HS3ST3B1: variants seen among roughly 807,000 people sequenced by gnomAD.
HS3ST3B1 encodes heparan sulfate glucosamine 3-O-sulfotransferase 3B1.
Under a neutral mutation model 21.3 loss-of-function variants are expected in HS3ST3B1, and 13 were observed. That is an observed-to-expected ratio of 0.61 (90% confidence interval 0.40 to 0.97). The LOEUF is 0.97. Among genes scored for constraint, HS3ST3B1 ranks in the 50% least tolerant of loss-of-function variants. HS3ST3B1 has a pLI of 0.00. For synonymous variants in HS3ST3B1, 234 were observed against 254.8 expected (o/e 0.92, Z 0.78); for missense variants, 459 against 554.8 (o/e 0.83, Z 1.73).
chr17:14,314,753 T>C (rs1406289542), intron 1 of HS3ST3B1, among the ~76,000 whole-genome samples: 1 of 152,208 alleles, frequency 6.6e-6, no homozygotes, highest in Non-Finnish European at 1.5e-5. Flanking sequence ...TCCGACATTC[T>C]GCCCTCCCTG....
chr17:14,302,838 G>C (rs1049160942), intron 1 of HS3ST3B1, among the ~76,000 whole-genome samples: 2 of 152,242 alleles, frequency 1.3e-5, no homozygotes, highest in African/African-American at 4.8e-5. Context: ...CCCTGCCCTC[G>C]GTGCTGGGAT....
At position 14,345,496 on chromosome 17, in the gene HS3ST3B1, G is replaced by A. The variant is rs924797680; in HGVS notation, c.1023G>A (p.Glu341=). The A allele has an allele frequency of 6.3e-7, 1 of 1,581,806 alleles. No individual in the cohort carries two copies. The highest frequency in any genetic ancestry group is 8.7e-7 in the Non-Finnish European group (1 of 1,154,762). ...TKGFPCLKKA[E]GSSRPHCLGK... ...GCTTCCCCTGCCTGAAGAAGGCGGA[G>A]GGCAGCAGCCGGCCCCATTGCCTGG... Residue 341 remains glutamate (E), a synonymous_variant, in exon 2 of 2, where the codon GAG becomes GAA. Transcript: ENST00000360954.
intron 1 of HS3ST3B1, among the ~76,000 whole-genome samples, chr17:14,340,619 G>T (rs1441779469): frequency 6.6e-6 from 1 of 152,090 alleles, no homozygotes; most frequent in East Asian, 1.9e-4. Flanking sequence ...GTCTCACTCT[G>T]TTGCCCAGGA....
chr17:14,301,917 G>A lies in HS3ST3B1; in HGVS notation c.399G>A (p.Gly133=). 3 of 1,609,626 alleles carry A rather than the reference G, an allele frequency of 1.9e-6. No homozygotes were observed. The African/African-American group carries it at 4.0e-5, about 21-fold the overall frequency. ...SPISSFFSGS[G]SKQLPQAIII... ...TCTCCAGCTTTTTCAGTGGGTCTGGGAGCAAGCAGCTGCCGCAGGCCATCA... is the reference window on the plus strand; with the variant it reads ...TCTCCAGCTTTTTCAGTGGGTCTGGAAGCAAGCAGCTGCCGCAGGCCATCA... Residue 133 remains glycine, a synonymous_variant, in exon 1 of 2, where the codon GGG becomes GGA. Coordinates refer to ENST00000360954, the MANE Select transcript of HS3ST3B1 (RefSeq NM_006041.3).
chr17:14,326,217 G>A (rs1323380310), intron 1 of HS3ST3B1, among the ~76,000 whole-genome samples: 2 of 152,214 alleles, frequency 1.3e-5, no homozygotes, highest in African/African-American at 4.8e-5. Context: ...AGAAACCACA[G>A]GTGCTTCCTG....
At chr17:14,308,412 T>C (rs2142324960) in intron 1 of HS3ST3B1, among the ~76,000 whole-genome samples, 1 of 152,358 alleles carries the variant, frequency 6.6e-6, no homozygotes, top group Middle Eastern at 3.4e-3. Context: ...CACATTTCGG[T>C]AACTTGAAAA....
intron 1 of HS3ST3B1, among the ~76,000 whole-genome samples, chr17:14,310,423 A>G (rs892941303): frequency 1.3e-5 from 2 of 152,204 alleles, no homozygotes; most frequent in Non-Finnish European, 2.9e-5. Context: ...CTTTGCGGAT[A>G]GGTTTCCTCC....
chr17:14,345,814 T>C lies in HS3ST3B1; in HGVS notation c.*168T>C. On this transcript the variant is annotated 3_prime_UTR_variant, in exon 2 of 2. Transcript: ENST00000360954. ...TTTAGAGAGTTAGCTTCATAATCTG[T>C]TAACATTCCAAAGTGTTTAACTCTA... The C allele has an allele frequency of 1.1e-6, 1 of 874,782 alleles. No individual in the cohort carries two copies. The highest frequency in any genetic ancestry group is 2.4e-5 in the South Asian group (1 of 42,104). 54.2% of individuals were successfully genotyped at this position (874,782 alleles called of 1,614,324 possible). A position where few individuals can be genotyped will look rare whatever the true frequency, so the allele number is the denominator to read the frequency against.
intron 1 of HS3ST3B1, among the ~76,000 whole-genome samples, chr17:14,342,475 G>A (rs1256212506): frequency 2.6e-5 from 4 of 152,014 alleles, no homozygotes; most frequent in Admixed American, 6.6e-5. Context: ...ACAAACTAGC[G>A]CTTATACACA....
chr17:14,330,599 G>T (rs1426710139), intron 1 of HS3ST3B1, among the ~76,000 whole-genome samples: 1 of 144,486 alleles, frequency 6.9e-6, no homozygotes, highest in Non-Finnish European at 1.5e-5. Flanking sequence ...TGCGGGTGGA[G>T]GTTTAGTGAT....
chr17:14,335,125 G>A (rs1331928108), intron 1 of HS3ST3B1, among the ~76,000 whole-genome samples: 3 of 152,226 alleles, frequency 2.0e-5, no homozygotes, highest in Admixed American at 6.5e-5. Flanking sequence ...TATCAGAATG[G>A]GCTGACCTTC....
intron 1 of HS3ST3B1, among the ~76,000 whole-genome samples, chr17:14,314,409 T>C (rs1462845355): frequency 1.3e-5 from 2 of 152,202 alleles, no homozygotes; most frequent in East Asian, 3.8e-4. Context: ...GATCAAGAAG[T>C]GGCAGTTCAA....
intron 1 of HS3ST3B1, among the ~76,000 whole-genome samples, chr17:14,302,480 G>A (rs947435948): frequency 6.6e-6 from 1 of 152,144 alleles, no homozygotes; most frequent in South Asian, 2.1e-4. Context: ...CCCTTTGGTC[G>A]GTCTCCGCCC....
intron 1 of HS3ST3B1, among the ~76,000 whole-genome samples, chr17:14,318,483 G>T (rs533291710): frequency 1.3e-5 from 2 of 152,326 alleles, no homozygotes; most frequent in East Asian, 1.9e-4. Flanking sequence ...CTCCCAGTGT[G>T]ATTTAGTCCT....
At chr17:14,328,176 A>AT (rs1343246799) in intron 1 of HS3ST3B1, 1 of 152,222 alleles carries the variant, frequency 6.6e-6, no homozygotes, top group African/African-American at 2.4e-5. Flanking sequence ...TTCTCATAGA[A>AT]TGTAACAAAT....
chr17:14,324,106 T>C (rs1281269520), intron 1 of HS3ST3B1, among the ~76,000 whole-genome samples: 1 of 148,068 alleles, frequency 6.8e-6, no homozygotes, highest in African/African-American at 2.5e-5. Context: ...CCAGGAGCCC[T>C]TTTCTCGCTT....
Position 14,301,915 on chromosome 17 carries a change from G to A in HS3ST3B1, c.397G>A (p.Gly133Arg), listed in dbSNP as rs1380504402. 1 of 1,609,672 alleles carries A rather than the reference G, an allele frequency of 6.2e-7. No individual in the cohort carries two copies. Among genetic ancestry groups the A allele is most frequent in the South Asian group, 1.1e-5 (1 of 90,144 alleles). The change falls in exon 1 of 2, where the codon GGG becomes AGG. Residue 133 changes from glycine to arginine, a missense_variant. This residue lies in a region of HS3ST3B1 where 317 missense variants were observed against 278.6 expected (regional missense o/e 1.14). Coordinates refer to ENST00000360954, the MANE Select transcript of HS3ST3B1 (RefSeq NM_006041.3). ...SPISSFFSGS[G>R]SKQLPQAIII... ...CATCTCCAGCTTTTTCAGTGGGTCT[G>A]GGAGCAAGCAGCTGCCGCAGGCCAT...
chr17:14,322,710 C>T (rs1181169061), intron 1 of HS3ST3B1, among the ~76,000 whole-genome samples: 1 of 151,898 alleles, frequency 6.6e-6, no homozygotes, highest in Non-Finnish European at 1.5e-5. Context: ...TGGAAGAGTC[C>T]ATGTCCTCTC....
At chr17:14,311,278 A>G (rs1016017278) in intron 1 of HS3ST3B1, among the ~76,000 whole-genome samples, 5 of 149,998 alleles carry the variant, frequency 3.3e-5, no homozygotes, top group Non-Finnish European at 5.9e-5. Context: ...AGATCTCACT[A>G]TGTTAACCCA....
Sources: gnomAD v4.1 joint callset for allele counts (sites outside exome capture counted in the v4.1 genomes callset) on GRCh38, gnomAD v4.1.1 for gene constraint, gnomAD v4.1.1 regional missense constraint, MANE v1.5 for transcripts, NCBI Gene and HGNC (gene_info 2026-07-23, HGNC 2026-07-21) for gene names.